The following GREB1 variants were observed in gnomAD, a reference collection of about 807,000 sequenced individuals.
The protein encoded by GREB1 is protein GREB1.
In GREB1, 106 loss-of-function variants were observed where a neutral mutation model predicts 200.7. That is an observed-to-expected ratio of 0.53 (90% CI 0.45 to 0.62). GREB1 has a LOEUF of 0.62. Among genes scored for constraint, GREB1 ranks in the 20% least tolerant of loss-of-function variants. GREB1 has a pLI of 0.00. For synonymous variants in GREB1, 1,132 were observed against 1,092.4 expected (o/e 1.04, Z -0.72); for missense variants, 2,243 against 2,556.8 (o/e 0.88, Z 2.65).
chr2:11,503,218 G>A (rs146219578), intron 1 of GREB1, among the ~76,000 whole-genome samples: 83 of 152,280 alleles, frequency 5.5e-4, no homozygotes, highest in African/African-American at 1.8e-3. Context: ...ATCCCAGAGG[G>A]ACAATTCTCA....
intron 10 of GREB1, 132 bp downstream of exon 10, chr2:11,589,063 C>G: frequency 1.4e-6 from 1 of 695,706 alleles, no homozygotes. Context: ...TATGGCTTCA[C>G]TGGCGGGACG....
intron 1 of GREB1, among the ~76,000 whole-genome samples, chr2:11,490,820 A>T (rs1672760382): frequency 6.6e-6 from 1 of 152,162 alleles, no homozygotes; most frequent in Admixed American, 6.5e-5. Context: ...AAGTGTTGGG[A>T]TTACAGGGGT....
intron 10 of GREB1, among the ~76,000 whole-genome samples, chr2:11,591,109 G>T (rs1680685180): frequency 6.6e-6 from 1 of 152,204 alleles, no homozygotes; most frequent in South Asian, 2.1e-4. Flanking sequence ...AGGAGATGTG[G>T]ACTCAAAGGA....
Position 11,618,888 on chromosome 2 carries a change from C to G in GREB1, c.4013C>G (p.Pro1338Arg). The G allele has an allele frequency of 1.3e-6, 2 of 1,554,312 alleles. No individual in the cohort carries two copies. Among genetic ancestry groups the G allele is most frequent in the East Asian group, 4.5e-5 (2 of 44,006 alleles). The change falls in exon 22 of 33, where the codon CCC becomes CGC. Residue 1338 changes from proline (P) to arginine (R), a missense_variant. Physicochemically the swap from Pro to Arg is moderately radical, Grantham distance 103 (BLOSUM62 -2). Transcript: ENST00000381486. ...GAGGGCCGCGTGGACGGCTTCCACC[C>G]CCGCAGGCTGCTGCTCAGCGGCCCC... ...RAEGRVDGFH[P>R]RRLLLSGPPQ...
In GREB1 at chr2:11,630,079, G is replaced by A. The variant is rs200068446; in HGVS notation, c.4581G>A (p.Glu1527=). ...FVFSQPGGQL[E]SMRLPLVTDK... The stretch of plus-strand genomic sequence containing the variant: ...TCAGCCAACCTGGAGGCCAGCTGGA[G>A]AGCATGCGACTACCCCTCGTGACAG... The change falls in exon 26 of 33, where the codon GAG becomes GAA. Residue 1527 remains glutamate, a synonymous_variant. Transcript: ENST00000381486. The A allele has an allele frequency of 1.4e-5, 22 of 1,614,240 alleles. No individual in the cohort carries two copies. Among genetic ancestry groups the A allele is most frequent in the Admixed American group, 1.2e-4 (7 of 60,034 alleles).
Position 11,556,715 on chromosome 2 carries a change from G to C in GREB1, c.101G>C (p.Arg34Thr). The C allele has an allele frequency of 1.9e-6, 3 of 1,614,102 alleles. No homozygotes were observed. The highest frequency in any genetic ancestry group is 2.5e-6 in the Non-Finnish European group (3 of 1,179,992). ...CTGCGGTCCAACAACCTGGTGCCCA[G>C]GCCCATCTTTTCCCAGCTGTACCTG... is the stretch of plus-strand genomic sequence containing the variant. ...ASLRSNNLVP[R>T]PIFSQLYLEA... Residue 34 changes from arginine (R) to threonine (T), a missense_variant, in exon 2 of 33, where the codon AGG becomes ACG. By Grantham distance (71) the Arg-to-Thr change is moderately conservative. Transcript: ENST00000381486.
chr2:11,569,658 C>T (rs1010600098), intron 4 of GREB1, among the ~76,000 whole-genome samples: 1 of 152,212 alleles, frequency 6.6e-6, no homozygotes, highest in South Asian at 2.1e-4. Flanking sequence ...TGCAGTGGGT[C>T]TATTATTATC....
At chr2:11,545,380 C>A (rs952485268) in intron 1 of GREB1, among the ~76,000 whole-genome samples, 1 of 152,162 alleles carries the variant, frequency 6.6e-6, no homozygotes, top group East Asian at 1.9e-4. Flanking sequence ...GATCCACCTG[C>A]CTCAGCCTCC....
Position 11,566,644 on chromosome 2 carries a change from A to C in GREB1, c.442A>C (p.Asn148His). 3 of 1,612,616 alleles carry C rather than the reference A, an allele frequency of 1.9e-6. No homozygotes were observed. Among genetic ancestry groups the C allele is most frequent in the Non-Finnish European group, 2.5e-6 (3 of 1,179,056 alleles). The stretch of plus-strand genomic sequence containing the variant: ...GTTCTTGCCAGATGACAATGGCCAC[A>C]ATGCTCTTCTTGGTAAGTACTGCTT... ...KRFLPDDNGH[N>H]ALLGFSGNCV... Residue 148 changes from asparagine to histidine, a missense_variant, in exon 4 of 33, where the codon AAT becomes CAT. Physicochemically the swap from Asn to His is moderately conservative, Grantham distance 68. This residue lies in a region of GREB1 where 1,178 missense variants were observed against 1,387.4 expected (regional missense o/e 0.85). Coordinates refer to ENST00000381486, the MANE Select transcript of GREB1 (RefSeq NM_014668.4).
At chr2:11,508,979 A>C (rs1207668684) in intron 1 of GREB1, among the ~76,000 whole-genome samples, 41 of 145,028 alleles carry the variant, frequency 2.8e-4, no homozygotes, top group Admixed American at 3.6e-4. Context: ...GGTTCACGCC[A>C]TTCTCCTGCC....
At chr2:11,587,566 G>T in intron 9 of GREB1, 1 of 1,519,796 alleles carries the variant, frequency 6.6e-7, no homozygotes. Context: ...CAGTGTCTTT[G>T]AGAACGTGAC....
upstream of GREB1, among the ~76,000 whole-genome samples, chr2:11,529,311 A>G (rs572851143): frequency 6.6e-6 from 1 of 152,346 alleles, no homozygotes; most frequent in South Asian, 2.1e-4. Flanking sequence ...AGGAATTGGA[A>G]AGAAACGAGA....
intron 8 of GREB1, 38 bp from the exon 9 acceptor site, chr2:11,585,724 T>C (rs750107760): frequency 1.9e-6 from 3 of 1,610,624 alleles, no homozygotes; most frequent in Non-Finnish European, 2.5e-6. Context: ...GTGGATGCCT[T>C]GTCTGATGTT....
intron 15 of GREB1, among the ~76,000 whole-genome samples, chr2:11,599,579 G>A (rs1441247416): frequency 1.4e-5 from 2 of 148,046 alleles, no homozygotes; most frequent in African/African-American, 5.1e-5. Context: ...GGAGTGCAGT[G>A]GCACGATCTC....
intron 1 of GREB1, among the ~76,000 whole-genome samples, chr2:11,550,746 G>A (rs1675735245): frequency 6.6e-6 from 1 of 152,150 alleles, no homozygotes; most frequent in Admixed American, 6.5e-5. Context: ...ACTTTTGTTG[G>A]CATATCTTGT....
At chr2:11,614,615 T>C (rs11888586) in intron 19 of GREB1, among the ~76,000 whole-genome samples, 2 of 151,462 alleles carry the variant, frequency 1.3e-5, no homozygotes, top group East Asian at 3.9e-4. Flanking sequence ...CCCGGCTGGA[T>C]TGCAGTGACA....
chr2:11,607,716 T>C (rs1682535537), intron 17 of GREB1, among the ~76,000 whole-genome samples: 1 of 151,802 alleles, frequency 6.6e-6, no homozygotes, highest in Non-Finnish European at 1.5e-5. Flanking sequence ...TCACGTGCAT[T>C]GATGTACATA....
intron 13 of GREB1, among the ~76,000 whole-genome samples, chr2:11,596,685 A>ACAT (rs1681272525): frequency 3.7e-5 from 1 of 26,802 alleles, no homozygotes. Flanking sequence ...GTGTACAGTG[A>ACAT]GGGGGTGGGG....
rs931349310 is a variant in GREB1, at chr2:11,555,687, T to C, written c.-161-767T>C. 3.9e-5 allele frequency among the ~76,000 whole-genome samples: 6 copies of C among 152,260 alleles called. No individual in the cohort carries two copies. The East Asian group carries it at 1.2e-3, about 29-fold the overall frequency. On this transcript the variant is annotated intron_variant, in intron 1 of 32. Transcript: ENST00000381486. ...AAAGTATCCAGAATGAGCAAATCTA[T>C]AGAGACAGAAAATAAATTAATTGTT...
Sources: allele counts gnomAD v4.1 joint callset (sites outside exome capture counted in the v4.1 genomes callset), GRCh38; gene constraint gnomAD v4.1.1; regional missense constraint gnomAD v4.1.1; transcripts MANE v1.5; gene names NCBI Gene and HGNC (gene_info 2026-07-23, HGNC 2026-07-21).